Variants in NALF1 observed in about 807,000 individuals in gnomAD.
NALF1 encodes NALCN channel auxiliary factor 1.
In NALF1, 3 loss-of-function variants were observed where a neutral mutation model predicts 48.4. The observed-to-expected ratio is 0.06, with a 90% CI of 0.03 to 0.16. The LOEUF is 0.16. Ranked by LOEUF, NALF1 falls within the 10% of genes least tolerant of loss-of-function variation. The pLI, the probability that NALF1 is intolerant of heterozygous loss-of-function variation, is 1.00. For synonymous variants in NALF1, 262 were observed against 245.7 expected (o/e 1.07, Z -0.62); for missense variants, 526 against 571.5 (o/e 0.92, Z 0.81).
chr13:107,866,307 C>CGCCGCT lies in NALF1; in HGVS notation c.284_289dup (p.Gln95_Arg96dup). The CGCCGCT allele has an allele frequency of 6.2e-7, 1 of 1,607,286 alleles. No homozygotes were observed. The highest frequency in any genetic ancestry group is 8.5e-7 in the Non-Finnish European group (1 of 1,178,618). On this transcript the variant is annotated inframe_insertion, in exon 1 of 3. Coordinates refer to ENST00000375915, the MANE Select transcript of NALF1 (RefSeq NM_001080396.3). The surrounding 1 kb of genome is among the most constrained non-coding windows in gnomAD (Gnocchi z 4.4). ...CGCGGGCCAGGAGGGCTCCTGCTGC[C>CGCCGCT]GCCGCTGCTGCTGCTGCTGCTGCCG...
At chr13:107,579,890 G>C (rs1425294682) in intron 1 of NALF1, among the ~76,000 whole-genome samples, 1 of 151,700 alleles carries the variant, frequency 6.6e-6, no homozygotes, top group Non-Finnish European at 1.5e-5. Context: ...TCAGTGTGGC[G>C]ATTCCTCAGG....
chr13:107,858,294 G>A (rs962747474), intron 1 of NALF1, among the ~76,000 whole-genome samples: 4 of 152,078 alleles, frequency 2.6e-5, no homozygotes, highest in Non-Finnish European at 4.4e-5. Flanking sequence ...GTTACATGTG[G>A]GTTTATTATA....
intron 1 of NALF1, among the ~76,000 whole-genome samples, chr13:107,800,142 G>A (rs1336536125): frequency 1.3e-5 from 2 of 151,998 alleles, no homozygotes; most frequent in Admixed American, 1.3e-4. Flanking sequence ...AACTAAGGAA[G>A]AGAAAAAAGA....
At chr13:107,405,450 T>G (rs1196133148) in intron 1 of NALF1, among the ~76,000 whole-genome samples, 1 of 152,044 alleles carries the variant, frequency 6.6e-6, no homozygotes, top group South Asian at 2.1e-4. Context: ...GGCCTTTCTG[T>G]TGATTGATCC....
At chr13:107,662,564 C>A (rs2138478420) in intron 1 of NALF1, among the ~76,000 whole-genome samples, 1 of 152,234 alleles carries the variant, frequency 6.6e-6, no homozygotes, top group Non-Finnish European at 1.5e-5. Flanking sequence ...TTGTTTTTAG[C>A]CATTTTGATA....
At chr13:107,213,957 C>T (rs542748229) in intron 1 of NALF1, among the ~76,000 whole-genome samples, 1 of 151,388 alleles carries the variant, frequency 6.6e-6, no homozygotes, top group East Asian at 1.9e-4. Context: ...TGTGGAATCA[C>T]AAAACAAAGA....
intron 1 of NALF1, among the ~76,000 whole-genome samples, chr13:107,722,236 C>T (rs909115041): frequency 1.3e-5 from 2 of 152,024 alleles, no homozygotes; most frequent in Admixed American, 6.6e-5. Flanking sequence ...TTAAAGAAAA[C>T]AAGGAGAAAC....
rs1380109177 is a variant in NALF1 at position 107,167,975 on chromosome 13, C to T, written c.*2522G>A. 6.6e-6 allele frequency: 1 copy of T among 152,120 alleles called. No individual in the cohort carries two copies. Among genetic ancestry groups the T allele is most frequent in the Admixed American group, 6.5e-5 (1 of 15,270 alleles). The allele number at this position is 152,120 out of a possible 1,614,324, so 9.4% of individuals were successfully genotyped here. On this transcript the variant is annotated 3_prime_UTR_variant, in exon 3 of 3. Coordinates refer to ENST00000375915, the MANE Select transcript of NALF1 (RefSeq NM_001080396.3). ...AGGAATACTGCTTTTCGTCATTTTG[C>T]TAAGTGTTTAGAAAGAATAATTTAT...
intron 1 of NALF1, among the ~76,000 whole-genome samples, chr13:107,314,321 C>T (rs74116007): frequency 6.6e-6 from 1 of 152,104 alleles, no homozygotes; most frequent in Non-Finnish European, 1.5e-5. Context: ...CCTTCAAATG[C>T]GAGTTCTTCC....
At position 107,867,287 on chromosome 13, in the gene NALF1, C is replaced by A. The variant is rs1299417420; in HGVS notation, c.-691G>T. On this transcript the variant is annotated 5_prime_UTR_variant, in exon 1 of 3. Transcript: ENST00000375915. The surrounding 1 kb of genome is among the most constrained non-coding windows in gnomAD (Gnocchi z 4.4). Reference sequence around the variant, plus strand: ...GGCGCTCCCTCCCCCCCACCCCCCACCCCGCGCTCTAAGTGCTGCCGCCGC... The same window carrying A: ...GGCGCTCCCTCCCCCCCACCCCCCAACCCGCGCTCTAAGTGCTGCCGCCGC... 1.1e-5 allele frequency among the ~76,000 whole-genome samples: 1 copy of A among 93,078 alleles called. No individual in the cohort carries two copies. Among genetic ancestry groups the A allele is most frequent in the Non-Finnish European group, 2.4e-5 (1 of 41,750 alleles). The allele number at this position is 93,078 out of a possible 152,430, so 61.1% of individuals were successfully genotyped here.
intron 1 of NALF1, among the ~76,000 whole-genome samples, chr13:107,592,268 C>A: frequency 6.6e-6 from 1 of 151,900 alleles, no homozygotes; most frequent in Non-Finnish European, 1.5e-5. Flanking sequence ...GGAATACTGG[C>A]AAAACTAGTT....
intron 1 of NALF1, among the ~76,000 whole-genome samples, chr13:107,407,723 T>C (rs530438041): frequency 1.3e-5 from 2 of 152,210 alleles, no homozygotes; most frequent in South Asian, 2.1e-4. Flanking sequence ...AGAGCTACCA[T>C]ATGATCCAGC....
intron 1 of NALF1, among the ~76,000 whole-genome samples, chr13:107,809,520 C>T (rs570462682): frequency 2.2e-4 from 33 of 152,246 alleles, no homozygotes; most frequent in Admixed American, 5.9e-4. Flanking sequence ...TCTCCTCCCT[C>T]TAACTGACGC....
At chr13:107,457,200 G>A (rs1688934396) in intron 1 of NALF1, among the ~76,000 whole-genome samples, 1 of 152,092 alleles carries the variant, frequency 6.6e-6, no homozygotes, top group South Asian at 2.1e-4. Flanking sequence ...ATGATTTAAA[G>A]TTTTTACTTT....
intron 1 of NALF1, among the ~76,000 whole-genome samples, chr13:107,461,747 T>C (rs1174789811): frequency 2.0e-5 from 3 of 152,230 alleles, no homozygotes. Context: ...TTGTATATGG[T>C]ATAATATACA....
chr13:107,559,152 A>G (rs1406409936), intron 1 of NALF1, among the ~76,000 whole-genome samples: 1 of 152,122 alleles, frequency 6.6e-6, no homozygotes, highest in Non-Finnish European at 1.5e-5. Context: ...TGTGGAGGAG[A>G]CGGCAGCAGA....
At chr13:107,378,687 G>A (rs1883381389) in intron 1 of NALF1, among the ~76,000 whole-genome samples, 1 of 152,038 alleles carries the variant, frequency 6.6e-6, no homozygotes, top group Non-Finnish European at 1.5e-5. Context: ...TTGAACATTT[G>A]AAATATTTTG....
intron 1 of NALF1, among the ~76,000 whole-genome samples, chr13:107,388,323 T>C (rs769554763): frequency 3.9e-5 from 6 of 152,218 alleles, no homozygotes; most frequent in Non-Finnish European, 8.8e-5. Context: ...TATAAAAGCT[T>C]AGACATCTCT....
chr13:107,224,678 G>T (rs1026845405), intron 1 of NALF1, among the ~76,000 whole-genome samples: 1 of 151,958 alleles, frequency 6.6e-6, no homozygotes, highest in African/African-American at 2.4e-5. Flanking sequence ...TCATTCAATT[G>T]CAAATATATC....
Sources: allele counts gnomAD v4.1 joint callset (sites outside exome capture counted in the v4.1 genomes callset), GRCh38; gene constraint gnomAD v4.1.1; non-coding constraint Gnocchi (gnomAD v3.1); transcripts MANE v1.5; gene names NCBI Gene and HGNC (gene_info 2026-07-23, HGNC 2026-07-21).